Variants in C12orf42 observed in about 807,000 individuals in gnomAD.
C12orf42 encodes uncharacterized protein C12orf42.
Under a neutral mutation model 21.6 loss-of-function variants are expected in C12orf42, and 25 were observed. The ratio of observed to expected loss-of-function variants is 1.16; its 90% CI spans 0.84 to 1.62. The LOEUF is 1.62. Ranked by LOEUF, C12orf42 falls within the 40% of genes most tolerant of loss-of-function variation. The probability of loss-of-function intolerance (pLI) is 0.00; values close to 1 mark genes in which losing one functional copy is unlikely to be tolerated. For missense variants in C12orf42, 483 were observed against 459.3 expected (o/e 1.05, Z -0.47); for synonymous variants, 174 against 175.0 (o/e 0.99, Z 0.05).
At chr12:103,435,026 G>C (rs1184147236) in intron 2 of C12orf42, among the ~76,000 whole-genome samples, 1 of 152,078 alleles carries the variant, frequency 6.6e-6, no homozygotes, top group African/African-American at 2.4e-5. Flanking sequence ...AGAGAGCAGT[G>C]GTTCTCCCAG....
chr12:103,524,748 A>G, the C12orf42 span, among the ~76,000 whole-genome samples: 1 of 152,220 alleles, frequency 6.6e-6, no homozygotes, highest in Non-Finnish European at 1.5e-5. Context: ...GAGGTCCATC[A>G]ACAGATTGAC....
chr12:103,425,215 C>T (rs775204883), intron 2 of C12orf42, among the ~76,000 whole-genome samples: 1 of 152,198 alleles, frequency 6.6e-6, no homozygotes, highest in Non-Finnish European at 1.5e-5. Flanking sequence ...AATCCCATCT[C>T]CCTGGGACAG....
chr12:103,376,590 T>C (rs1046832292), intron 3 of C12orf42, among the ~76,000 whole-genome samples: 8 of 152,072 alleles, frequency 5.3e-5, no homozygotes, highest in African/African-American at 1.9e-4. Flanking sequence ...AAAGAAAATT[T>C]CCCTGTCTTT....
intron 4 of C12orf42, among the ~76,000 whole-genome samples, chr12:103,307,193 T>C (rs2038433713): frequency 6.6e-6 from 1 of 152,194 alleles, no homozygotes; most frequent in Non-Finnish European, 1.5e-5. Context: ...AGTAGCTTGC[T>C]AAAGGTCACA....
At chr12:103,308,289 A>C (rs953441812) in intron 4 of C12orf42, among the ~76,000 whole-genome samples, 5 of 152,224 alleles carry the variant, frequency 3.3e-5, no homozygotes, top group African/African-American at 4.8e-5. Flanking sequence ...AAAAGTATAT[A>C]ATTTTGATTT....
chr12:103,093,205 A>T, the C12orf42 span, among the ~76,000 whole-genome samples: 1 of 152,198 alleles, frequency 6.6e-6, no homozygotes, highest in Non-Finnish European at 1.5e-5. Flanking sequence ...TTGTCCTATG[A>T]GTCTCCAATT....
chr12:103,164,556 G>T, the C12orf42 span: 3 of 430,084 alleles, frequency 7.0e-6, no homozygotes, highest in East Asian at 7.1e-5. Context: ...GGCACAGGGG[G>T]TGGGTGCCAG....
intron 2 of C12orf42, among the ~76,000 whole-genome samples, chr12:103,412,956 A>G (rs1285852437): frequency 1.3e-5 from 2 of 152,138 alleles, no homozygotes; most frequent in Non-Finnish European, 2.9e-5. Flanking sequence ...TAAGCTCTTT[A>G]GTTTAATTAG....
At chr12:103,217,506 G>A in the C12orf42 span, among the ~76,000 whole-genome samples, 1 of 150,900 alleles carries the variant, frequency 6.6e-6, no homozygotes, top group South Asian at 2.1e-4. Context: ...TTCAGCTTAG[G>A]GGTGACAGAG....
the C12orf42 span, among the ~76,000 whole-genome samples, chr12:103,525,449 T>G: frequency 2.0e-5 from 3 of 152,052 alleles, no homozygotes; most frequent in African/African-American, 7.2e-5. Context: ...TTTCATAGAG[T>G]GTTATTTGTG....
chr12:103,188,491 G>A, the C12orf42 span, among the ~76,000 whole-genome samples: 2 of 152,068 alleles, frequency 1.3e-5, no homozygotes, highest in South Asian at 2.1e-4. Flanking sequence ...TTGATACTAT[G>A]CGATATGGTT....
the C12orf42 span, among the ~76,000 whole-genome samples, chr12:103,056,615 A>T: frequency 6.6e-6 from 1 of 151,996 alleles, no homozygotes; most frequent in Non-Finnish European, 1.5e-5. Context: ...TAGGCTCCTG[A>T]AGCTCTGTTT....
At chr12:103,430,487 A>G (rs1012900206) in intron 2 of C12orf42, among the ~76,000 whole-genome samples, 1 of 152,240 alleles carries the variant, frequency 6.6e-6, no homozygotes, top group Non-Finnish European at 1.5e-5. Flanking sequence ...GAATGTAGAG[A>G]AAAAGGAACA....
At chr12:103,545,444 A>G in the C12orf42 span, among the ~76,000 whole-genome samples, 1 of 152,260 alleles carries the variant, frequency 6.6e-6, no homozygotes, top group East Asian at 1.9e-4. Context: ...AGAGTTGCAT[A>G]TGCAACTATG....
chr12:103,222,949 C>T, the C12orf42 span, among the ~76,000 whole-genome samples: 2 of 151,596 alleles, frequency 1.3e-5, no homozygotes, highest in Admixed American at 6.6e-5. Context: ...TACTTTCAGT[C>T]TCTTCCTCTT....
chr12:103,459,807 G>T (rs555626551), intron 2 of C12orf42, among the ~76,000 whole-genome samples: 1 of 152,076 alleles, frequency 6.6e-6, no homozygotes, highest in African/African-American at 2.4e-5. Context: ...TGTGTAGACA[G>T]AGCTTCTGTT....
chr12:103,430,991 A>G (rs1307780915), intron 2 of C12orf42, among the ~76,000 whole-genome samples: 2 of 152,340 alleles, frequency 1.3e-5, no homozygotes, highest in East Asian at 3.9e-4. Context: ...AAGGGATAGC[A>G]TTAGGAGAAA....
At chr12:103,217,530 CAAAAA>C in the C12orf42 span, among the ~76,000 whole-genome samples, 1 of 78,014 alleles carries the variant, frequency 1.3e-5, no homozygotes. Context: ...GACCCTGTCT[CAAAAA>C]AAAAAAAAAA....
At chr12:103,307,178 G>C (rs1025011876) in intron 4 of C12orf42, among the ~76,000 whole-genome samples, 1 of 152,210 alleles carries the variant, frequency 6.6e-6, no homozygotes, top group African/African-American at 2.4e-5. Flanking sequence ...TACAGGCTTA[G>C]AGCAAGTAGC....
Sources: allele counts gnomAD v4.1 joint callset (sites outside exome capture counted in the v4.1 genomes callset), GRCh38; gene constraint gnomAD v4.1.1; transcripts MANE v1.5; gene names NCBI Gene and HGNC (gene_info 2026-07-23, HGNC 2026-07-21).